Variants in STXBP5 observed in about 807,000 individuals in gnomAD.
The protein encoded by STXBP5 is syntaxin-binding protein 5.
In STXBP5, 50 loss-of-function variants were observed where a neutral mutation model predicts 152.4. The ratio of observed to expected loss-of-function variants is 0.33; its 90% CI spans 0.26 to 0.42. The LOEUF is 0.42. Ranked by LOEUF, STXBP5 falls within the 10% of genes least tolerant of loss-of-function variation. STXBP5 has a pLI of 1.00. For synonymous variants in STXBP5, 492 were observed against 494.7 expected, an observed-to-expected ratio of 0.99 and a Z score of 0.07; for missense variants, 1,167 against 1,388.6, an observed-to-expected ratio of 0.84 and a Z score of 2.54.
At chr6:147,297,725 T>G (rs1781598231) in intron 9 of STXBP5, among the ~76,000 whole-genome samples, 1 of 151,456 alleles carries the variant, frequency 6.6e-6, no homozygotes. Flanking sequence ...TGAGAAATGT[T>G]GAGAGAAGGG....
intron 2 of STXBP5, among the ~76,000 whole-genome samples, chr6:147,232,431 A>G (rs895171860): frequency 2.0e-5 from 3 of 151,812 alleles, no homozygotes; most frequent in Non-Finnish European, 4.4e-5. Context: ...ATATGTAGGC[A>G]TTATCAATTC....
chr6:147,273,420 C>T (rs933224420), intron 7 of STXBP5, among the ~76,000 whole-genome samples: 6 of 152,010 alleles, frequency 3.9e-5, no homozygotes, highest in African/African-American at 1.4e-4. Flanking sequence ...GAAAGAAGTG[C>T]AGTATTACTG....
rs763057270 is a variant in STXBP5, at chr6:147,364,017, C to T, written c.2932C>T (p.Pro978Ser). The stretch of plus-strand genomic sequence containing the variant: ...TTTCTCAAGTTTGCCAAGTTTAAGA[C>T]CTCTGTTGGATGTGTATTACTTGCC... ...IMTFSLPSLR[P>S]LLDVYYLPLT... The change falls in exon 25 of 28, where the codon CCT becomes TCT. Residue 978 changes from proline to serine, a missense_variant. Physicochemically the swap from Pro to Ser is moderately conservative, Grantham distance 74. Coordinates refer to ENST00000321680, the MANE Select transcript of STXBP5 (RefSeq NM_001127715.4). 6.2e-7 allele frequency: 1 copy of T among 1,613,252 alleles called. No homozygotes were observed. Among genetic ancestry groups the T allele is most frequent in the East Asian group, 2.2e-5 (1 of 44,856 alleles).
intron 25 of STXBP5, among the ~76,000 whole-genome samples, chr6:147,365,019 C>T (rs1278263033): frequency 6.6e-6 from 1 of 152,036 alleles, no homozygotes; most frequent in Non-Finnish European, 1.5e-5. Context: ...TTAAAATTAG[C>T]ATAGAAGTGG....
chr6:147,324,819 G>A (rs1340651056), intron 16 of STXBP5, 140 bp from the exon 17 acceptor site: 1 of 783,144 alleles, frequency 1.3e-6, no homozygotes, highest in Non-Finnish European at 1.8e-6. Context: ...CCTCCAACTA[G>A]GTTAAATGCT....
Position 147,363,995 on chromosome 6 carries a change from C to G in STXBP5, c.2916-6C>G. 2 of 1,607,440 alleles carry G rather than the reference C, an allele frequency of 1.2e-6. No individual in the cohort carries two copies. Among genetic ancestry groups the G allele is most frequent in the South Asian group, 2.2e-5 (2 of 89,320 alleles). On this transcript the variant is annotated splice_polypyrimidine_tract_variant and splice_region_variant and intron_variant, in intron 24 of 27. Coordinates refer to ENST00000321680, the MANE Select transcript of STXBP5 (RefSeq NM_001127715.4). ...TTATTAACAAGTTTTTAATTTTTTT[C>G]TCAAGTTTGCCAAGTTTAAGACCTC...
At chr6:147,258,432 T>G (rs1779483500) in intron 4 of STXBP5, among the ~76,000 whole-genome samples, 1 of 152,050 alleles carries the variant, frequency 6.6e-6, no homozygotes, top group African/African-American at 2.4e-5. Flanking sequence ...AGTTTTTTGT[T>G]TTTTGTTTTT....
chr6:147,281,410 A>G (rs1780694371), intron 8 of STXBP5, among the ~76,000 whole-genome samples: 1 of 152,208 alleles, frequency 6.6e-6, no homozygotes, highest in African/African-American at 2.4e-5. Context: ...TGCATACCAT[A>G]ACAAGGGTAT....
chr6:147,314,060 G>A, intron 12 of STXBP5, 29 bp downstream of exon 12: 1 of 1,552,282 alleles, frequency 6.4e-7, no homozygotes, highest in South Asian at 1.2e-5. Context: ...AGTATTTAAT[G>A]TTATATTTCT....
chr6:147,328,498 G>T (rs895569523), intron 18 of STXBP5, among the ~76,000 whole-genome samples: 1 of 152,134 alleles, frequency 6.6e-6, no homozygotes, highest in African/African-American at 2.4e-5. Context: ...CAATTCATGG[G>T]GGGTAGAATT....
At chr6:147,355,475 A>G (rs1784775335) in intron 22 of STXBP5, among the ~76,000 whole-genome samples, 1 of 152,170 alleles carries the variant, frequency 6.6e-6, no homozygotes, top group Non-Finnish European at 1.5e-5. Flanking sequence ...TCAGCTAAAA[A>G]GATCACATAT....
intron 2 of STXBP5, among the ~76,000 whole-genome samples, chr6:147,218,947 T>C (rs186567484): frequency 1.3e-5 from 2 of 152,354 alleles, no homozygotes; most frequent in East Asian, 3.9e-4. Flanking sequence ...ACCTTTTATT[T>C]CCTTTGCTCA....
chr6:147,311,678 A>G (rs146257936), intron 11 of STXBP5, 151 bp downstream of exon 11: 9 of 555,512 alleles, frequency 1.6e-5, no homozygotes, highest in East Asian at 6.5e-5. Flanking sequence ...TCACATATCT[A>G]CTTACTCAAA....
At chr6:147,344,680 G>A (rs1404674360) in intron 21 of STXBP5, among the ~76,000 whole-genome samples, 1 of 152,192 alleles carries the variant, frequency 6.6e-6, no homozygotes, top group African/African-American at 2.4e-5. Flanking sequence ...TTAGGGCTCA[G>A]CCTAAGGGCA....
At chr6:147,251,335 C>A (rs1368246379) in intron 4 of STXBP5, among the ~76,000 whole-genome samples, 2 of 35,894 alleles carry the variant, frequency 5.6e-5, no homozygotes, top group African/African-American at 3.7e-4. Flanking sequence ...ACAGGGCCCT[C>A]CTGGGTTTCC....
chr6:147,358,654 CAGT>C (rs1193291385), intron 22 of STXBP5, among the ~76,000 whole-genome samples: 2 of 152,140 alleles, frequency 1.3e-5, no homozygotes, highest in Non-Finnish European at 2.9e-5. Context: ...GTAACATAAA[CAGT>C]AGATTAACAC....
chr6:147,295,444 A>G (rs1781468076), intron 9 of STXBP5, among the ~76,000 whole-genome samples: 1 of 152,160 alleles, frequency 6.6e-6, no homozygotes, highest in Non-Finnish European at 1.5e-5. Context: ...GTTAATCACC[A>G]TCCCCCCCAC....
chr6:147,324,739 C>T lies in STXBP5; in HGVS notation c.1803-220C>T, dbSNP rs373929793. ...TCTTATTTTCTCCTTTTCCTTCACC[C>T]CTGCTGTCCTCCCCCACTTTATATG... On this transcript the variant is annotated intron_variant, in intron 16 of 27. Coordinates refer to ENST00000321680, the MANE Select transcript of STXBP5 (RefSeq NM_001127715.4). Among the ~76,000 whole-genome samples, 52 of 151,914 alleles carry T rather than the reference C, an allele frequency of 3.4e-4. No homozygotes were observed. The East Asian group carries it at 9.1e-3, about 27-fold the overall frequency.
At chr6:147,219,464 T>C (rs757134139) in intron 2 of STXBP5, among the ~76,000 whole-genome samples, 3 of 152,198 alleles carry the variant, frequency 2.0e-5, no homozygotes, top group Non-Finnish European at 4.4e-5. Context: ...TCTGCCTTTA[T>C]CTTCTGAAAG....
Sources: allele counts gnomAD v4.1 joint callset (sites outside exome capture counted in the v4.1 genomes callset), GRCh38; gene constraint gnomAD v4.1.1; transcripts MANE v1.5; gene names NCBI Gene and HGNC (gene_info 2026-07-23, HGNC 2026-07-21).